WWC1: variants seen among roughly 807,000 people sequenced by gnomAD.
WWC1 encodes the protein protein KIBRA.
WWC1 carries 55 observed loss-of-function variants against 138.4 expected under a neutral mutation model. The ratio of observed to expected loss-of-function variants is 0.40; its 90% CI spans 0.32 to 0.50. The LOEUF is 0.50. Among genes scored for constraint, WWC1 ranks in the 20% least tolerant of loss-of-function variants. The pLI is 0.72. For missense variants in WWC1, 1,226 were observed against 1,420.4 expected (o/e 0.86, Z 2.20); for synonymous variants, 524 against 564.9 (o/e 0.93, Z 1.03).
chr5:168,458,618 G>A (rs1003657029), intron 19 of WWC1, among the ~76,000 whole-genome samples: 4 of 152,114 alleles, frequency 2.6e-5, no homozygotes, highest in African/African-American at 7.2e-5. Context: ...TGGGTTGATT[G>A]ACTTTGACCA....
rs574964331 is a variant in WWC1 at position 168,421,925 on chromosome 5, C to G, written c.1185-83C>G. ...AATGCTTTACGGAAAGTTCTTGTGC[C>G]TGTGGGTCTGGGTGTACATGGGTAA... is the stretch of plus-strand genomic sequence containing the variant. On this transcript the variant is annotated intron_variant, in intron 9 of 22. Coordinates refer to ENST00000265293, the MANE Select transcript of WWC1 (RefSeq NM_015238.3). The G allele has an allele frequency of 2.8e-5, 33 of 1,177,988 alleles. No homozygotes were observed. In the African/African-American group the frequency reaches 4.7e-4, roughly 17 times the overall value. 73.0% of individuals were successfully genotyped at this position (1,177,988 alleles called of 1,614,324 possible). A position where few individuals can be genotyped will look rare whatever the true frequency, so the allele number is the denominator to read the frequency against.
At chr5:168,336,689 C>T (rs1773498419) in intron 1 of WWC1, among the ~76,000 whole-genome samples, 1 of 151,992 alleles carries the variant, frequency 6.6e-6, no homozygotes, top group Non-Finnish European at 1.5e-5. Flanking sequence ...AACACTGACT[C>T]CACCGTAGGG....
intron 1 of WWC1, among the ~76,000 whole-genome samples, chr5:168,319,544 C>G (rs1316149327): frequency 6.6e-6 from 1 of 152,218 alleles, no homozygotes; most frequent in Non-Finnish European, 1.5e-5. Context: ...GTCTCTTTCT[C>G]AGGCTGGAGT....
rs716200 is a variant in WWC1 at position 168,296,840 on chromosome 5, T to C, written c.119+4569T>C. 8.4e-3 allele frequency among the ~76,000 whole-genome samples: 1,276 copies of C among 152,330 alleles called. 57 individuals carry two copies. In the East Asian group the frequency reaches 0.13, roughly 15 times the overall value. ...ATTTCTAACCACTGCCTCATTTTAC[T>C]TCCTGCTGAGTTAGCTGCAGAATCA... On this transcript the variant is annotated intron_variant, in intron 1 of 22. Transcript: ENST00000265293.
At chr5:168,403,729 C>T (rs1453572821) in intron 5 of WWC1, among the ~76,000 whole-genome samples, 1 of 152,074 alleles carries the variant, frequency 6.6e-6, no homozygotes, top group Non-Finnish European at 1.5e-5. Flanking sequence ...CCTGCCGTGC[C>T]CAGGCAGGAG....
intron 6 of WWC1, among the ~76,000 whole-genome samples, chr5:168,406,738 G>A (rs1271792818): frequency 1.3e-5 from 2 of 151,836 alleles, no homozygotes; most frequent in African/African-American, 4.8e-5. Context: ...TCAGGAGATC[G>A]AGACCATCCT....
At chr5:168,293,672 G>A (rs1235628464) in intron 1 of WWC1, among the ~76,000 whole-genome samples, 1 of 152,100 alleles carries the variant, frequency 6.6e-6, no homozygotes, top group East Asian at 1.9e-4. Flanking sequence ...TGTCAGATGG[G>A]GGAGCCCACC....
intron 1 of WWC1, among the ~76,000 whole-genome samples, chr5:168,368,677 A>G (rs1285239903): frequency 6.6e-6 from 1 of 152,176 alleles, no homozygotes; most frequent in African/African-American, 2.4e-5. Context: ...GCTTTCCTTC[A>G]GAGCCCCTTT....
At chr5:168,454,438 C>T (rs1205943893) in intron 18 of WWC1, among the ~76,000 whole-genome samples, 1 of 152,236 alleles carries the variant, frequency 6.6e-6, no homozygotes, top group Non-Finnish European at 1.5e-5. Context: ...TCCATTTTCT[C>T]ATCTCTAAAA....
intron 5 of WWC1, among the ~76,000 whole-genome samples, chr5:168,403,079 T>TTTCTTTCC (rs1491364364): frequency 2.1e-5 from 2 of 95,782 alleles, no homozygotes; most frequent in African/African-American, 8.3e-5. Context: ...TCTTTCTTTC[T>TTTCTTTCC]TTTCTTTCTT....
intron 9 of WWC1, 116 bp downstream of exon 9, chr5:168,414,706 G>A (rs188438789): frequency 3.0e-4 from 419 of 1,376,384 alleles, no homozygotes; most frequent in Admixed American, 1.1e-3. Context: ...CCCTGAGCAC[G>A]CTCAGTTCAG....
intron 19 of WWC1, among the ~76,000 whole-genome samples, chr5:168,455,760 A>G (rs1392037395): frequency 6.6e-6 from 1 of 152,060 alleles, no homozygotes; most frequent in African/African-American, 2.4e-5. Flanking sequence ...CAAACAACTC[A>G]CTTCCTCCTT....
At chr5:168,426,126 C>A (rs979455382) in intron 11 of WWC1, among the ~76,000 whole-genome samples, 1 of 152,130 alleles carries the variant, frequency 6.6e-6, no homozygotes, top group Non-Finnish European at 1.5e-5. Flanking sequence ...TCCTTGTTAA[C>A]GAAAGGCTTT....
intron 1 of WWC1, among the ~76,000 whole-genome samples, chr5:168,300,372 G>T (rs995879875): frequency 3.5e-4 from 53 of 152,008 alleles, no homozygotes; most frequent in Admixed American, 2.0e-3. Context: ...GGAAGAGGGG[G>T]TGGAGCAGAG....
At chr5:168,399,280 T>C (rs1779136626) in intron 4 of WWC1, among the ~76,000 whole-genome samples, 1 of 152,182 alleles carries the variant, frequency 6.6e-6, no homozygotes, top group Non-Finnish European at 1.5e-5. Flanking sequence ...AAACACTGCC[T>C]GGGATGCTGA....
chr5:168,306,156 G>A (rs1387782802), intron 1 of WWC1, among the ~76,000 whole-genome samples: 1 of 152,166 alleles, frequency 6.6e-6, no homozygotes, highest in East Asian at 1.9e-4. Context: ...CCAACACTTT[G>A]GGAGGCTGAG....
chr5:168,423,594 C>A lies in WWC1; in HGVS notation c.1336C>A (p.Arg446=), dbSNP rs143285752. 6.2e-7 allele frequency: 1 copy of A among 1,614,072 alleles called. No individual in the cohort carries two copies. Among genetic ancestry groups the A allele is most frequent in the African/African-American group, 1.3e-5 (1 of 75,028 alleles). Residue 446 remains arginine (R), a synonymous_variant, in exon 11 of 23, where the codon CGG becomes AGG. Transcript: ENST00000265293. ...CAGCCCCGGATCCCTCACGTCCAGC[C>A]GGGGCTCCCTGGTTGCATCCAGCCT... is the stretch of plus-strand genomic sequence containing the variant. ...GSSPGSLTSS[R]GSLVASSLDS...
At chr5:168,456,818 T>A (rs1561793637) in intron 19 of WWC1, among the ~76,000 whole-genome samples, 1 of 152,128 alleles carries the variant, frequency 6.6e-6, no homozygotes. Context: ...TCATTCGTTC[T>A]TTTTCATCAG....
At chr5:168,409,395 T>C (rs1298006476) in intron 7 of WWC1, among the ~76,000 whole-genome samples, 1 of 152,224 alleles carries the variant, frequency 6.6e-6, no homozygotes, top group Non-Finnish European at 1.5e-5. Flanking sequence ...TGTCCCTTCC[T>C]TCCCCATACC....
Sources: allele counts gnomAD v4.1 joint callset (sites outside exome capture counted in the v4.1 genomes callset), GRCh38; gene constraint gnomAD v4.1.1; transcripts MANE v1.5; gene names NCBI Gene and HGNC (gene_info 2026-07-23, HGNC 2026-07-21).